Variants in SUSD4 observed in about 807,000 individuals in gnomAD.
SUSD4 encodes sushi domain containing 4.
In SUSD4, 41 loss-of-function variants were observed where a neutral mutation model predicts 50.5. The ratio of observed to expected loss-of-function variants is 0.81; its 90% confidence interval spans 0.63 to 1.05. The LOEUF is 1.05. Among genes scored for constraint, SUSD4 ranks in the 50% least tolerant of loss-of-function variants. The pLI is 0.00. For synonymous variants in SUSD4, 257 were observed against 257.3 expected (o/e 1.00, Z 0.01); for missense variants, 580 against 634.7 (o/e 0.91, Z 0.93).
At chr1:223,355,092 T>C (rs964003100) in intron 2 of SUSD4, among the ~76,000 whole-genome samples, 12 of 151,114 alleles carry the variant, frequency 7.9e-5, no homozygotes, top group Non-Finnish European at 1.3e-4. Context: ...TTTTTTTTTT[T>C]CAGATGGAGT....
At chr1:223,360,710 T>C (rs1668927402) in intron 2 of SUSD4, among the ~76,000 whole-genome samples, 1 of 152,244 alleles carries the variant, frequency 6.6e-6, no homozygotes, top group Non-Finnish European at 1.5e-5. Context: ...GAGACGATTA[T>C]ATCTTGCCAT....
At chr1:223,352,312 G>C (rs1408719115) in intron 2 of SUSD4, among the ~76,000 whole-genome samples, 1 of 152,188 alleles carries the variant, frequency 6.6e-6, no homozygotes. Context: ...AGAGCTCTCT[G>C]TGTGCTCATT....
At chr1:223,248,398 A>G (rs1571878982) in intron 5 of SUSD4, among the ~76,000 whole-genome samples, 1 of 152,142 alleles carries the variant, frequency 6.6e-6, no homozygotes, top group African/African-American at 2.4e-5. Context: ...CTGAATTCTA[A>G]TCATCAAAAC....
intron 2 of SUSD4, among the ~76,000 whole-genome samples, chr1:223,346,087 T>C (rs1229636316): frequency 6.6e-6 from 1 of 152,128 alleles, no homozygotes; most frequent in Non-Finnish European, 1.5e-5. Flanking sequence ...GGCCGTCCTG[T>C]GCATTTTAAG....
chr1:223,249,178 C>T (rs762489476), intron 5 of SUSD4, among the ~76,000 whole-genome samples: 4 of 152,190 alleles, frequency 2.6e-5, no homozygotes, highest in Non-Finnish European at 4.4e-5. Flanking sequence ...GATCCCCCTA[C>T]AGTCAGGACT....
intron 2 of SUSD4, among the ~76,000 whole-genome samples, chr1:223,346,463 C>T (rs1264332140): frequency 1.3e-5 from 2 of 152,124 alleles, no homozygotes; most frequent in Non-Finnish European, 1.5e-5. Flanking sequence ...AAGCAGATGA[C>T]GTTAGCTGGC....
At chr1:223,263,033 C>A (rs751861865) in intron 5 of SUSD4, among the ~76,000 whole-genome samples, 102 of 152,158 alleles carry the variant, frequency 6.7e-4, no homozygotes, top group Non-Finnish European at 1.3e-3. Flanking sequence ...CTTACAAGTC[C>A]CAAAATAAAG....
At chr1:223,363,011 T>G (rs1349615706) in intron 2 of SUSD4, among the ~76,000 whole-genome samples, 3 of 142,910 alleles carry the variant, frequency 2.1e-5, no homozygotes, top group Non-Finnish European at 3.0e-5. Context: ...TGTCTTTCCT[T>G]GGGAGAAGCC....
intron 2 of SUSD4, among the ~76,000 whole-genome samples, chr1:223,347,841 T>C (rs1464244972): frequency 2.0e-5 from 3 of 151,964 alleles, no homozygotes; most frequent in African/African-American, 7.3e-5. Context: ...GTTGTGATGA[T>C]TCCCAGTTGT....
At chr1:223,327,393 C>G (rs1037385130) in intron 2 of SUSD4, among the ~76,000 whole-genome samples, 1 of 152,170 alleles carries the variant, frequency 6.6e-6, no homozygotes, top group African/African-American at 2.4e-5. Context: ...ATGTACATGA[C>G]TCAGCTGATG....
intron 3 of SUSD4, among the ~76,000 whole-genome samples, chr1:223,283,794 C>T (rs1326983076): frequency 6.6e-6 from 1 of 152,142 alleles, no homozygotes. Context: ...ATGTTTATTG[C>T]AGCACTATTC....
chr1:223,290,182 GC>G (rs1194345557), intron 3 of SUSD4, among the ~76,000 whole-genome samples: 1 of 152,222 alleles, frequency 6.6e-6, no homozygotes, highest in Non-Finnish European at 1.5e-5. Context: ...GAATTCAGCA[GC>G]CCTTACTACT....
chr1:223,256,385 C>A (rs1661693569), intron 5 of SUSD4, among the ~76,000 whole-genome samples: 1 of 152,154 alleles, frequency 6.6e-6, no homozygotes, highest in Admixed American at 6.5e-5. Flanking sequence ...TGCTTCCTAT[C>A]TGAAAATAGA....
At position 223,229,920 on chromosome 1, in the gene SUSD4, C is replaced by CA. The variant is rs1310490731; in HGVS notation, c.725-533dup. On this transcript the variant is annotated intron_variant, in intron 5 of 8. Transcript: ENST00000366878. This position sits in a 1 kb window ranked among gnomAD's most constrained non-coding sequence, Gnocchi z 4.7. ...GGAGCAGTTCTTCTAGCTCTGCTTG[C>CA]AGAGCCAGGGCACAGCCTCCAGGGC... Among the ~76,000 whole-genome samples, 1 of 152,198 alleles carries CA rather than the reference C, an allele frequency of 6.6e-6. No homozygotes were observed. Among genetic ancestry groups the CA allele is most frequent in the Non-Finnish European group, 1.5e-5 (1 of 68,034 alleles).
chr1:223,337,730 A>G lies in SUSD4; in HGVS notation c.148+25548T>C, dbSNP rs76633738. On this transcript the variant is annotated intron_variant, in intron 2 of 8. Transcript: ENST00000366878. Reference sequence around the variant, plus strand: ...CTGCATAGTCACCGACTACATGGTCAGTTTACAGAGCCATCCCTCAGGGTG... The same window carrying G: ...CTGCATAGTCACCGACTACATGGTCGGTTTACAGAGCCATCCCTCAGGGTG... Among the ~76,000 whole-genome samples the G allele has an allele frequency of 7.3e-3, 1,118 of 152,332 alleles. 12 individuals are homozygous for G. The highest frequency in any genetic ancestry group is 0.025 in the African/African-American group (1,045 of 41,566).
Position 223,223,471 on chromosome 1 carries a change from C to T in SUSD4, c.1222G>A (p.Asp408Asn), listed in dbSNP as rs369486252. 4.0e-5 allele frequency: 64 copies of T among 1,613,714 alleles called. No individual in the cohort carries two copies. The East Asian group carries it at 5.8e-4, about 15-fold the overall frequency. Residue 408 changes from aspartate (D) to asparagine (N), a missense_variant, in exon 8 of 9, where the codon GAC (aspartate) becomes AAC (asparagine). Asp to Asn is a conservative substitution (Grantham distance 23). Transcript: ENST00000366878. ...VGQGCPLPVD[D>N]QSPPAYPGSG... ...CCGGGGTATGCTGGGGGGCTCTGGT[C>T]GTCCACGGGTAAGGGGCAGCCCTGG...
intron 2 of SUSD4, among the ~76,000 whole-genome samples, chr1:223,354,104 T>C (rs1668524189): frequency 6.6e-6 from 1 of 152,090 alleles, no homozygotes; most frequent in Admixed American, 6.5e-5. Context: ...CGGACAGCTC[T>C]ATGTGGATTC....
chr1:223,319,215 A>G (rs1186822506), intron 2 of SUSD4, among the ~76,000 whole-genome samples: 3 of 108,554 alleles, frequency 2.8e-5, no homozygotes, highest in African/African-American at 1.1e-4. Context: ...AAGAAAACCT[A>G]GGCATTACCA....
intron 7 of SUSD4, among the ~76,000 whole-genome samples, chr1:223,226,454 G>A (rs1659522036): frequency 6.6e-6 from 1 of 152,216 alleles, no homozygotes; most frequent in African/African-American, 2.4e-5. Context: ...CTGCTGCCAG[G>A]CAGGGGAGAA....
Sources: allele counts gnomAD v4.1 joint callset (sites outside exome capture counted in the v4.1 genomes callset), GRCh38; gene constraint gnomAD v4.1.1; non-coding constraint Gnocchi (gnomAD v3.1); transcripts MANE v1.5; gene names NCBI Gene and HGNC (gene_info 2026-07-23, HGNC 2026-07-21).